STOX2: variants seen among roughly 807,000 people sequenced by gnomAD.
STOX2 encodes the protein storkhead-box protein 2.
A neutral mutation model predicts 60.9 loss-of-function variants in STOX2; 28 were observed. That is an observed-to-expected ratio of 0.46 (90% CI 0.34 to 0.63). The LOEUF (loss-of-function observed/expected upper bound fraction) is 0.63. Among genes scored for constraint, STOX2 ranks in the 30% least tolerant of loss-of-function variants. The pLI, the probability that STOX2 is intolerant of heterozygous loss-of-function variation, is 0.01. For missense variants in STOX2, 1,024 were observed against 1,187.7 expected, an observed-to-expected ratio of 0.86 and a Z score of 2.03; for synonymous variants, 472 against 463.9, an observed-to-expected ratio of 1.02 and a Z score of -0.22.
At chr4:183,861,640 T>G (rs1044990664) in intron 1 of STOX2, among the ~76,000 whole-genome samples, 10 of 152,198 alleles carry the variant, frequency 6.6e-5, no homozygotes, top group African/African-American at 2.4e-4. Context: ...CGCCGCAGCT[T>G]CTTCATCTGT....
chr4:183,960,209 G>T (rs568092353), intron 1 of STOX2: 1 of 152,312 alleles, frequency 6.6e-6, no homozygotes, highest in East Asian at 1.9e-4. Context: ...GATTGGTCAC[G>T]CCTCTGTTGT....
At position 183,843,921 on chromosome 4, in the gene STOX2, T is replaced by C. The variant is rs1039050271; in HGVS notation, c.364+45866T>C. Among the ~76,000 whole-genome samples, 11 of 152,358 alleles carry C rather than the reference T, an allele frequency of 7.2e-5. No individual in the cohort carries two copies. In the South Asian group the frequency reaches 1.7e-3, roughly 23 times the overall value. On this transcript the variant is annotated intron_variant, in intron 1 of 2. Transcript: ENST00000513034. ...TTGCTTTTACTTACTTAATTTTTTA[T>C]ACGTAAATCATAGTTTATGTAGTGT...
chr4:184,006,980 C>T (rs1446025257), intron 2 of STOX2, among the ~76,000 whole-genome samples: 1 of 126,200 alleles, frequency 7.9e-6, no homozygotes, highest in Non-Finnish European at 1.6e-5. Flanking sequence ...CCCGCCACTG[C>T]ACTCCAGCCT....
chr4:183,868,155 A>G (rs1210236874), intron 1 of STOX2, among the ~76,000 whole-genome samples: 1 of 151,938 alleles, frequency 6.6e-6, no homozygotes, highest in East Asian at 1.9e-4. Context: ...ATGTTAGGAA[A>G]ACATTTAGAT....
chr4:183,967,997 C>T (rs1014072452), intron 1 of STOX2, among the ~76,000 whole-genome samples: 2 of 152,144 alleles, frequency 1.3e-5, no homozygotes, highest in Admixed American at 6.5e-5. Context: ...TGAGTTCAAA[C>T]GCAAGTGTTA....
At chr4:183,951,102 G>GCTACT (rs1348934674) in intron 1 of STOX2, among the ~76,000 whole-genome samples, 2 of 151,450 alleles carry the variant, frequency 1.3e-5, no homozygotes, top group Admixed American at 6.6e-5. Context: ...TGTAGTCCCA[G>GCTACT]CTACTCGGGA....
chr4:183,851,321 GGAT>G (rs1324260384), intron 1 of STOX2, among the ~76,000 whole-genome samples: 2 of 65,788 alleles, frequency 3.0e-5, no homozygotes, highest in African/African-American at 9.2e-5. Flanking sequence ...ATGAGGGAAA[GGAT>G]GAGGGAAAGG....
rs1289326065 is a variant in STOX2, at chr4:183,906,834, G to C, written c.44G>C (p.Ser15Thr). The C allele has an allele frequency of 6.4e-7, 1 of 1,557,080 alleles. No individual in the cohort carries two copies. Among genetic ancestry groups the C allele is most frequent in the African/African-American group, 1.4e-5 (1 of 73,086 alleles). ...ACAACCTTGCGGCGAGCCTGGCCTA[G>C]CTCGGATTTCTCGGACCGGGCCTCG... Reference protein sequence around the residue: ...RSTTLRRAWPSSDFSDRASDR... With the variant: ...RSTTLRRAWPTSDFSDRASDR... The change falls in exon 1 of 4, where the codon AGC becomes ACC. Residue 15 changes from serine (S) to threonine (T), a missense_variant. Around this residue, in one of 3 missense-constraint regions of STOX2, gnomAD observed 98 missense variants for 110.2 expected, o/e 0.89. Transcript: ENST00000308497.
chr4:183,906,952 A>G lies in STOX2; in HGVS notation c.162A>G (p.Thr54=), dbSNP rs1427924578. The change falls in exon 1 of 4, where the codon ACA becomes ACG. Residue 54 remains threonine, a synonymous_variant. Transcript: ENST00000308497. ...CCCAGGCTTCGCGGGGCTACATGAC[A>G]TCAGGTTGGTTGGTGACCGCGTTTC... ...FAPQASRGYM[T]SGDVSPISMS... is the part of the protein sequence containing the mutation. 1.9e-6 allele frequency: 3 copies of G among 1,538,516 alleles called. No individual in the cohort carries two copies. Among genetic ancestry groups the G allele is most frequent in the Non-Finnish European group, 2.6e-6 (3 of 1,138,596 alleles).
At chr4:183,866,668 T>TCA (rs1740574544) in intron 1 of STOX2, among the ~76,000 whole-genome samples, 1 of 152,246 alleles carries the variant, frequency 6.6e-6, no homozygotes. Flanking sequence ...TCTTAAAGTT[T>TCA]CAGAGCCTCT....
chr4:184,017,337 C>A lies in STOX2; in HGVS notation c.*53C>A. ...TCATTCGATACAGCAAAGTTTACGA[C>A]ACTGGGACTGATGTTTACATCTTTG... On this transcript the variant is annotated 3_prime_UTR_variant, in exon 4 of 4. Coordinates refer to ENST00000308497, the MANE Select transcript of STOX2 (RefSeq NM_020225.3). 7.0e-7 allele frequency: 1 copy of A among 1,436,692 alleles called. No homozygotes were observed. Among genetic ancestry groups the A allele is most frequent in the Non-Finnish European group, 9.4e-7 (1 of 1,067,986 alleles). 89.0% of individuals were successfully genotyped at this position (1,436,692 alleles called of 1,614,324 possible).
chr4:183,941,303 C>T (rs1463644387), intron 1 of STOX2, among the ~76,000 whole-genome samples: 4 of 152,180 alleles, frequency 2.6e-5, no homozygotes, highest in African/African-American at 9.7e-5. Flanking sequence ...CACGGTGGCT[C>T]ACACCTGTAA....
rs966462243 is a variant in STOX2 at position 184,020,878 on chromosome 4, C to T, written c.*3594C>T. ...TCCCTCTTTTTCATAGCCCAACCAG[C>T]ATCTAAAATGTAAATTTAAATTACA... On this transcript the variant is annotated 3_prime_UTR_variant, in exon 4 of 4. Coordinates refer to ENST00000308497, the MANE Select transcript of STOX2 (RefSeq NM_020225.3). 1 of 152,150 alleles carries T rather than the reference C, an allele frequency of 6.6e-6. No homozygotes were observed. The highest frequency in any genetic ancestry group is 2.4e-5 in the African/African-American group (1 of 41,432). The allele number at this position is 152,150 out of a possible 1,614,324, so 9.4% of individuals were successfully genotyped here.
At chr4:183,954,638 A>G (rs1743195042) in intron 1 of STOX2, among the ~76,000 whole-genome samples, 2 of 152,052 alleles carry the variant, frequency 1.3e-5, no homozygotes, top group African/African-American at 4.8e-5. Context: ...AATTATTTAC[A>G]TAATTTAAGA....
intron 1 of STOX2, among the ~76,000 whole-genome samples, chr4:183,995,478 G>A (rs1052176953): frequency 6.6e-6 from 1 of 151,966 alleles, no homozygotes; most frequent in Non-Finnish European, 1.5e-5. Flanking sequence ...GCCAGAAGTT[G>A]GAAGGGGAAA....
At chr4:183,922,264 T>G (rs1742122237) in intron 1 of STOX2, among the ~76,000 whole-genome samples, 1 of 152,190 alleles carries the variant, frequency 6.6e-6, no homozygotes, top group Non-Finnish European at 1.5e-5. Flanking sequence ...ACTGTTTAGA[T>G]TCATGCTTAG....
intron 1 of STOX2, among the ~76,000 whole-genome samples, chr4:183,921,722 T>A (rs757501664): frequency 1.6e-4 from 25 of 152,248 alleles, no homozygotes; most frequent in Non-Finnish European, 2.9e-4. Context: ...GTCACAAAGC[T>A]TTATGAAATA....
At chr4:183,963,669 G>A (rs1050661484) in intron 1 of STOX2, among the ~76,000 whole-genome samples, 83 of 151,564 alleles carry the variant, frequency 5.5e-4, no homozygotes, top group African/African-American at 1.8e-3. Context: ...CAGGTGATCC[G>A]CCTGCCTCGG....
At chr4:183,886,968 T>C (rs140163232) in intron 1 of STOX2, among the ~76,000 whole-genome samples, 197 of 152,274 alleles carry the variant, frequency 1.3e-3, no homozygotes, top group Admixed American at 3.7e-3. Context: ...CATAAAGTTA[T>C]GTACTTCTGG....
Sources: allele counts gnomAD v4.1 joint callset (sites outside exome capture counted in the v4.1 genomes callset), GRCh38; gene constraint gnomAD v4.1.1; regional missense constraint gnomAD v4.1.1; transcripts MANE v1.5; gene names NCBI Gene and HGNC (gene_info 2026-07-23, HGNC 2026-07-21).